PRIM2: variants seen among roughly 807,000 people sequenced by gnomAD.
PRIM2 encodes the protein DNA primase subunit 2.
A neutral mutation model predicts 67.3 loss-of-function variants in PRIM2; 39 were observed. The ratio of observed to expected loss-of-function variants is 0.58; its 90% CI spans 0.45 to 0.76. PRIM2 has a LOEUF of 0.76. PRIM2 is among the 30% of genes least tolerant of loss of function. PRIM2 has a pLI of 0.00. For synonymous variants in PRIM2, 143 were observed against 198.7 expected, an observed-to-expected ratio of 0.72 and a Z score of 2.36; for missense variants, 398 against 598.7, an observed-to-expected ratio of 0.66 and a Z score of 3.50.
chr6:57,625,729 A>T (rs1338594842), intron 12 of PRIM2, among the ~76,000 whole-genome samples: 3 of 152,260 alleles, frequency 2.0e-5, no homozygotes, highest in Non-Finnish European at 4.4e-5. Context: ...GAATTGACTC[A>T]GATAACTTTG....
chr6:57,520,887 G>T (rs1349114936), intron 8 of PRIM2, among the ~76,000 whole-genome samples: 2 of 152,072 alleles, frequency 1.3e-5, no homozygotes, highest in African/African-American at 4.8e-5. Context: ...TACCTGGTAT[G>T]GAAACCCGTA....
chr6:57,606,315 G>A, intron 11 of PRIM2, 60 bp from the exon 12 acceptor site: 19 of 1,385,926 alleles, frequency 1.4e-5, no homozygotes, highest in Non-Finnish European at 1.8e-5. Flanking sequence ...CGAGTGTGGT[G>A]TTGTACTAAG....
intron 10 of PRIM2, among the ~76,000 whole-genome samples, chr6:57,583,032 G>C (rs1374396439): frequency 1.4e-5 from 2 of 145,816 alleles, no homozygotes; most frequent in African/African-American, 5.1e-5. Context: ...GTGATAACAT[G>C]TGGTGTTTGG....
chr6:57,447,169 T>A (rs1562756837), intron 7 of PRIM2, among the ~76,000 whole-genome samples: 1 of 152,202 alleles, frequency 6.6e-6, no homozygotes, highest in Non-Finnish European at 1.5e-5. Flanking sequence ...TGAGAGTGGC[T>A]TTGGTTTTGT....
At chr6:57,569,979 T>C (rs1775831370) in intron 10 of PRIM2, among the ~76,000 whole-genome samples, 1 of 152,104 alleles carries the variant, frequency 6.6e-6, no homozygotes, top group African/African-American at 2.4e-5. Flanking sequence ...CTTGACCTCA[T>C]GATCCGCCCG....
At chr6:57,242,327 T>G in the PRIM2 span, among the ~76,000 whole-genome samples, 1 of 152,226 alleles carries the variant, frequency 6.6e-6, no homozygotes, top group African/African-American at 2.4e-5. Context: ...ATTTATTTTG[T>G]GTTTGAAAAT....
the PRIM2 span, among the ~76,000 whole-genome samples, chr6:57,255,315 A>G: frequency 6.6e-5 from 10 of 151,920 alleles, no homozygotes; most frequent in African/African-American, 1.9e-4. Flanking sequence ...TGGCTAACAC[A>G]GTGAAACCCT....
chr6:57,579,156 G>GTTT (rs1364730669), intron 10 of PRIM2, among the ~76,000 whole-genome samples: 35 of 144,202 alleles, frequency 2.4e-4, no homozygotes, highest in African/African-American at 5.3e-4. Context: ...TCTTGATACA[G>GTTT]TTTTTTTTTT....
At chr6:57,323,024 T>C (rs554035255) in intron 3 of PRIM2, among the ~76,000 whole-genome samples, 79 of 152,094 alleles carry the variant, frequency 5.2e-4, no homozygotes, top group Admixed American at 4.6e-4. Context: ...ACATAACTTC[T>C]CTGTGCCTCA....
intron 13 of PRIM2, among the ~76,000 whole-genome samples, chr6:57,633,854 C>T (rs1777074895): frequency 6.6e-6 from 1 of 152,184 alleles, no homozygotes; most frequent in South Asian, 2.1e-4. Context: ...ACAGATGAAG[C>T]TCCACTCACT....
chr6:57,380,049 G>C (rs1581845640), intron 6 of PRIM2, 53 bp downstream of exon 6: 1 of 1,409,500 alleles, frequency 7.1e-7, no homozygotes, highest in East Asian at 2.5e-5. Flanking sequence ...GTCGCATTGA[G>C]CTTTATATAC....
chr6:57,338,413 A>C (rs1266485365), intron 5 of PRIM2, among the ~76,000 whole-genome samples: 1 of 152,084 alleles, frequency 6.6e-6, no homozygotes, highest in Non-Finnish European at 1.5e-5. Flanking sequence ...CAAAAAAGAG[A>C]ATTTGAGACC....
At chr6:57,370,302 T>C (rs6459204) in intron 5 of PRIM2, among the ~76,000 whole-genome samples, 1 of 152,310 alleles carries the variant, frequency 6.6e-6, no homozygotes, top group African/African-American at 2.4e-5. Context: ...AATATCCTTA[T>C]ATTTTGTCCA....
chr6:57,453,483 C>T (rs901735969), intron 7 of PRIM2, among the ~76,000 whole-genome samples: 1 of 152,032 alleles, frequency 6.6e-6, no homozygotes, highest in Non-Finnish European at 1.5e-5. Flanking sequence ...TTGTAGTTCT[C>T]CTTGAAGAGG....
At chr6:57,352,028 G>A (rs1470867349) in intron 5 of PRIM2, among the ~76,000 whole-genome samples, 1 of 152,128 alleles carries the variant, frequency 6.6e-6, no homozygotes, top group Non-Finnish European at 1.5e-5. Flanking sequence ...CATAGAGCTT[G>A]GCAGGCATAT....
the PRIM2 span, among the ~76,000 whole-genome samples, chr6:57,290,268 A>C: frequency 6.6e-6 from 1 of 152,358 alleles, no homozygotes; most frequent in Non-Finnish European, 1.5e-5. Flanking sequence ...AGGCCATTAC[A>C]TAATGGTAAA....
chr6:57,393,936 T>A (rs1389172188), intron 7 of PRIM2, among the ~76,000 whole-genome samples: 1 of 151,860 alleles, frequency 6.6e-6, no homozygotes, highest in Non-Finnish European at 1.5e-5. Context: ...CCCCACTTTA[T>A]GTTTTTGTTT....
intron 11 of PRIM2, among the ~76,000 whole-genome samples, chr6:57,604,922 C>T (rs1413440327): frequency 1.3e-5 from 2 of 152,198 alleles, no homozygotes; most frequent in African/African-American, 4.8e-5. Context: ...GATCTCCTTA[C>T]CTCGTGATCC....
At chr6:57,375,143 C>A (rs576542196) in intron 5 of PRIM2, among the ~76,000 whole-genome samples, 3 of 152,178 alleles carry the variant, frequency 2.0e-5, no homozygotes, top group African/African-American at 4.8e-5. Context: ...TTGTCTTGTG[C>A]GGGTTTTCAG....
Sources: allele counts gnomAD v4.1 joint callset (sites outside exome capture counted in the v4.1 genomes callset), GRCh38; gene constraint gnomAD v4.1.1; transcripts MANE v1.5; gene names NCBI Gene and HGNC (gene_info 2026-07-23, HGNC 2026-07-21).